Variants in TAF2 observed in about 807,000 individuals in gnomAD.
TAF2 encodes the protein transcription initiation factor TFIID subunit 2.
Under a neutral mutation model 138.5 loss-of-function variants are expected in TAF2, and 61 were observed. The observed-to-expected ratio is 0.44, with a 90% CI of 0.36 to 0.54. The LOEUF (loss-of-function observed/expected upper bound fraction) is 0.54, where lower values mean the gene tolerates loss of function less well. Ranked by LOEUF, TAF2 falls within the 20% of genes least tolerant of loss-of-function variation. TAF2 has a pLI of 0.00. For synonymous variants in TAF2, 475 were observed against 469.9 expected (o/e 1.01, Z -0.14); for missense variants, 1,090 against 1,427.9 (o/e 0.76, Z 3.81).
intron 3 of TAF2, among the ~76,000 whole-genome samples, chr8:119,806,830 T>C (rs1311144868): frequency 6.6e-6 from 1 of 152,160 alleles, no homozygotes; most frequent in African/African-American, 2.4e-5. Flanking sequence ...TCTTCTTATA[T>C]AATTTCTAAG....
chr8:119,804,138 C>A, intron 4 of TAF2, 119 bp from the exon 5 acceptor site: 1 of 1,172,930 alleles, frequency 8.5e-7, no homozygotes. Flanking sequence ...ATATGAAAAA[C>A]CACACTACTT....
At chr8:119,780,951 A>AG in intron 17 of TAF2, 102 bp downstream of exon 17, 1 of 1,212,860 alleles carries the variant, frequency 8.2e-7, no homozygotes, top group Non-Finnish European at 1.1e-6. Context: ...AAAAAAAAAA[A>AG]AGAATGGAGG....
chr8:119,773,593 G>A (rs1822001273), intron 18 of TAF2, among the ~76,000 whole-genome samples: 1 of 151,450 alleles, frequency 6.6e-6, no homozygotes, highest in Non-Finnish European at 1.5e-5. Flanking sequence ...TGAGGAAGAT[G>A]GATCCATTTT....
At position 119,832,794 on chromosome 8, in the gene TAF2, C is replaced by T. The variant is rs1826551428; in HGVS notation, c.-230G>A. Reference sequence around the variant, plus strand: ...CTTCTGTCACAGAGATGCTCCTCTCCGCAAGGGCTCGAAGCTACCATCCGC... The same window carrying T: ...CTTCTGTCACAGAGATGCTCCTCTCTGCAAGGGCTCGAAGCTACCATCCGC... On this transcript the variant is annotated 5_prime_UTR_variant, in exon 1 of 26. Coordinates refer to ENST00000378164, the MANE Select transcript of TAF2 (RefSeq NM_003184.4). 2.0e-6 allele frequency: 1 copy of T among 500,016 alleles called. No individual in the cohort carries two copies. The highest frequency in any genetic ancestry group is 3.3e-5 in the South Asian group (1 of 30,754). The allele number at this position is 500,016 out of a possible 1,614,324, so 31.0% of individuals were successfully genotyped here.
chr8:119,783,532 CG>C lies in TAF2; in HGVS notation c.1960del (p.Arg654AlafsTer32). 1 of 1,614,116 alleles carries C rather than the reference CG, an allele frequency of 6.2e-7. No individual in the cohort carries two copies. Among genetic ancestry groups the C allele is most frequent in the Non-Finnish European group, 8.5e-7 (1 of 1,180,028 alleles). ...QADFMWQYQL[R>X]YERDVVAQQE... ...CTGTGCAACAACATCTCTCTCATAG[CG>C]GAGCTGATACTGCCACATAAAATCA... On this transcript the variant is annotated frameshift_variant, in exon 16 of 26. Coordinates refer to ENST00000378164, the MANE Select transcript of TAF2 (RefSeq NM_003184.4). LOFTEE classifies it high-confidence loss of function.
intron 25 of TAF2, among the ~76,000 whole-genome samples, chr8:119,737,405 C>A (rs570073530): frequency 6.6e-6 from 1 of 151,750 alleles, no homozygotes; most frequent in African/African-American, 2.4e-5. Flanking sequence ...TAAGACTGAC[C>A]ATGAACCAAT....
At chr8:119,818,718 C>CA (rs552347892) in intron 3 of TAF2, among the ~76,000 whole-genome samples, 17 of 143,594 alleles carry the variant, frequency 1.2e-4, no homozygotes, top group African/African-American at 3.6e-4. Flanking sequence ...ACAAAGATGA[C>CA]AAAAAAATGA....
At chr8:119,827,303 G>A (rs1386240982) in intron 2 of TAF2, among the ~76,000 whole-genome samples, 1 of 152,146 alleles carries the variant, frequency 6.6e-6, no homozygotes, top group Non-Finnish European at 1.5e-5. Flanking sequence ...CTCTAAGTGA[G>A]CTTTTCCACA....
intron 2 of TAF2, among the ~76,000 whole-genome samples, chr8:119,829,315 C>T (rs949719311): frequency 2.6e-5 from 4 of 152,084 alleles, no homozygotes; most frequent in Non-Finnish European, 4.4e-5. Context: ...TAAGCAGTAG[C>T]TTCATTCTTC....
At chr8:119,801,482 G>A (rs1490729930) in intron 6 of TAF2, among the ~76,000 whole-genome samples, 1 of 148,852 alleles carries the variant, frequency 6.7e-6, no homozygotes, top group Admixed American at 6.7e-5. Context: ...AGGCTGGAGT[G>A]CAGTGGCACA....
intron 16 of TAF2, among the ~76,000 whole-genome samples, chr8:119,781,568 T>C (rs970191050): frequency 1.3e-5 from 2 of 152,006 alleles, no homozygotes; most frequent in Non-Finnish European, 2.9e-5. Context: ...TAATCCCAGC[T>C]ACTTGGGAGG....
intron 18 of TAF2, among the ~76,000 whole-genome samples, chr8:119,765,187 C>T (rs1821335942): frequency 6.6e-6 from 1 of 151,782 alleles, no homozygotes; most frequent in African/African-American, 2.4e-5. Context: ...CACAGAGACA[C>T]AATTAAATGA....
At chr8:119,793,897 TA>T (rs1326724548) in intron 9 of TAF2, among the ~76,000 whole-genome samples, 2 of 103,538 alleles carry the variant, frequency 1.9e-5, no homozygotes, top group Non-Finnish European at 3.8e-5. Flanking sequence ...TTTTTTTTTT[TA>T]AACAGAAAAA....
chr8:119,801,887 A>C lies in TAF2; in HGVS notation c.699T>G (p.Thr233=), dbSNP rs772201146. 16 of 1,614,086 alleles carry C rather than the reference A, an allele frequency of 9.9e-6. No individual in the cohort carries two copies. Among genetic ancestry groups the C allele is most frequent in the Admixed American group, 6.7e-5 (4 of 60,002 alleles). Residue 233 remains threonine (T), a synonymous_variant, in exon 6 of 26, where the codon ACT becomes ACG. Coordinates refer to ENST00000378164, the MANE Select transcript of TAF2 (RefSeq NM_003184.4). The part of the protein sequence containing the change: ...TVYTHDMRKK[T]FHYMLTIPTA... ...TAGGAATGGTAAGCATATAATGGAA[A>C]GTTTTCTTCCTCATATCATGAGTAT... is the stretch of plus-strand genomic sequence containing the variant.
chr8:119,815,331 G>C (rs1416482299), intron 3 of TAF2, among the ~76,000 whole-genome samples: 1 of 151,422 alleles, frequency 6.6e-6, no homozygotes, highest in East Asian at 2.0e-4. Flanking sequence ...CTGGAGGGCA[G>C]TGGCTGGATC....
At chr8:119,824,781 G>A (rs957462450) in intron 2 of TAF2, among the ~76,000 whole-genome samples, 3 of 152,240 alleles carry the variant, frequency 2.0e-5, no homozygotes, top group African/African-American at 7.2e-5. Flanking sequence ...GCTCCCATGT[G>A]GTGGTGAGCC....
intron 13 of TAF2, 141 bp from the exon 14 acceptor site, chr8:119,788,588 C>A (rs1218279435): frequency 1.7e-6 from 1 of 577,336 alleles, no homozygotes; most frequent in Non-Finnish European, 2.9e-6. Flanking sequence ...GCAATTGGTG[C>A]CAAAGAGGGC....
rs544733233 is a variant in TAF2 at position 119,801,649 on chromosome 8, C to T, written c.792+145G>A. Reference sequence around the variant, plus strand: ...TTTACTGTGTTAGCCAGGATGGTCTCGATCTCCTGACCCTGTGATCCGCCC... The same window carrying T: ...TTTACTGTGTTAGCCAGGATGGTCTTGATCTCCTGACCCTGTGATCCGCCC... On this transcript the variant is annotated intron_variant, in intron 6 of 25. Coordinates refer to ENST00000378164, the MANE Select transcript of TAF2 (RefSeq NM_003184.4). 75 of 752,758 alleles carry T rather than the reference C, an allele frequency of 1.0e-4. 1 individual carries two copies. In the African/African-American group the frequency reaches 1.2e-3, roughly 12 times the overall value. The allele number at this position is 752,758 out of a possible 1,614,324, so 46.6% of individuals were successfully genotyped here. A position where few individuals can be genotyped will look rare whatever the true frequency, so the allele number is the denominator to read the frequency against.
intron 18 of TAF2, among the ~76,000 whole-genome samples, chr8:119,774,491 A>AT (rs11341545): frequency 7.2e-4 from 107 of 147,872 alleles, no homozygotes; most frequent in Admixed American, 1.5e-3. Context: ...TTTTTTTGCA[A>AT]TTTTTTTTTT....
Sources: gnomAD v4.1 joint callset for allele counts (sites outside exome capture counted in the v4.1 genomes callset) on GRCh38, gnomAD v4.1.1 for gene constraint, MANE v1.5 for transcripts, NCBI Gene and HGNC (gene_info 2026-07-23, HGNC 2026-07-21) for gene names.